Variants in PCCA observed in about 807,000 individuals in gnomAD.
PCCA encodes propionyl-CoA carboxylase alpha chain, mitochondrial.
PCCA carries 74 observed loss-of-function variants against 101.3 expected under a neutral mutation model. The observed-to-expected ratio is 0.73, with a 90% CI of 0.61 to 0.89. PCCA has a LOEUF of 0.89. PCCA is among the 40% of genes least tolerant of loss of function. The probability of loss-of-function intolerance (pLI) is 0.00; values close to 1 mark genes in which losing one functional copy is unlikely to be tolerated. For missense variants in PCCA, 891 were observed against 907.0 expected, an observed-to-expected ratio of 0.98 and a Z score of 0.23; for synonymous variants, 294 against 313.6, an observed-to-expected ratio of 0.94 and a Z score of 0.66.
chr13:100,349,666 TG>T (rs1339475130), intron 18 of PCCA, among the ~76,000 whole-genome samples: 1 of 152,206 alleles, frequency 6.6e-6, no homozygotes, highest in Non-Finnish European at 1.5e-5. Context: ...ATAATATTAA[TG>T]GAAATACTTC....
chr13:100,444,806 G>C (rs1313728043), intron 20 of PCCA, among the ~76,000 whole-genome samples: 1 of 152,088 alleles, frequency 6.6e-6, no homozygotes, highest in Non-Finnish European at 1.5e-5. Flanking sequence ...GATTATAGGT[G>C]TGAGCCACCG....
At chr13:100,344,031 C>T (rs933711472) in intron 18 of PCCA, among the ~76,000 whole-genome samples, 6 of 152,174 alleles carry the variant, frequency 3.9e-5, no homozygotes, top group East Asian at 3.8e-4. Flanking sequence ...GCCGAGATCA[C>T]GCCACTGCAC....
intron 1 of PCCA, among the ~76,000 whole-genome samples, chr13:100,092,932 T>G (rs1784169165): frequency 1.3e-5 from 2 of 152,184 alleles, no homozygotes; most frequent in Admixed American, 6.5e-5. Context: ...TTATAGACAT[T>G]TATATATTTA....
chr13:100,512,325 A>G (rs2086544908), intron 21 of PCCA, among the ~76,000 whole-genome samples: 1 of 152,172 alleles, frequency 6.6e-6, no homozygotes, highest in African/African-American at 2.4e-5. Context: ...TAATTTGCTT[A>G]GAGACCCGGG....
In PCCA at chr13:100,488,044, T is replaced by TAC. The variant is rs200467053; in HGVS notation, c.1900-27382_1900-27381insCA. Among the ~76,000 whole-genome samples, 1,425 of 152,186 alleles carry TAC rather than the reference T, an allele frequency of 9.4e-3. 22 individuals carry two copies. The highest frequency in any genetic ancestry group is 0.032 in the African/African-American group (1,315 of 41,520). ...GTGCCCAGCCATATATGTATATATA[T>TAC]ATATTTTTTAATGAAGCCACAAGCA... On this transcript the variant is annotated intron_variant, in intron 21 of 23. Transcript: ENST00000376285.
chr13:100,170,548 A>G (rs1279379427), intron 6 of PCCA, among the ~76,000 whole-genome samples: 2 of 152,212 alleles, frequency 1.3e-5, no homozygotes, highest in Non-Finnish European at 2.9e-5. Flanking sequence ...CCAAGCACAG[A>G]GTATTCTTTT....
intron 17 of PCCA, among the ~76,000 whole-genome samples, chr13:100,335,169 G>A (rs990367160): frequency 9.2e-5 from 14 of 152,136 alleles, no homozygotes; most frequent in Admixed American, 7.9e-4. Flanking sequence ...TTTGTTTTCA[G>A]TTAAATAAGG....
chr13:100,425,817 G>A (rs2079103518), intron 20 of PCCA, 86 bp downstream of exon 20: 4 of 854,764 alleles, frequency 4.7e-6, no homozygotes, highest in Non-Finnish European at 8.0e-6. Context: ...TAGAGCTATA[G>A]GAGGGAAAAG....
intron 6 of PCCA, among the ~76,000 whole-genome samples, chr13:100,172,231 G>A (rs2055756768): frequency 6.6e-6 from 1 of 151,428 alleles, no homozygotes; most frequent in South Asian, 2.1e-4. Flanking sequence ...CCTTTCAGTG[G>A]AATTATTTAT....
At chr13:100,451,802 GTCCTCTTCCTCTCCTCTCTC>G (rs1566342519) in intron 21 of PCCA, among the ~76,000 whole-genome samples, 6 of 1,208 alleles carry the variant, frequency 5.0e-3, no homozygotes, top group East Asian at 0.012. Flanking sequence ...TCTCCTCTCT[GTCCTCTTCCTCTCCTCTCTC>G]TCCTCTTCCT....
At chr13:100,473,522 A>G (rs1483102234) in intron 21 of PCCA, among the ~76,000 whole-genome samples, 1 of 152,186 alleles carries the variant, frequency 6.6e-6, no homozygotes, top group African/African-American at 2.4e-5. Flanking sequence ...TTCTTAGGTT[A>G]CACTCTCTAT....
At chr13:100,404,807 G>A (rs929017255) in intron 19 of PCCA, among the ~76,000 whole-genome samples, 4 of 152,158 alleles carry the variant, frequency 2.6e-5, no homozygotes, top group African/African-American at 9.7e-5. Flanking sequence ...TTTGAATTCT[G>A]TATGCCATGG....
At position 100,370,074 on chromosome 13, in the gene PCCA, CTT is replaced by C. The variant is rs386380451; in HGVS notation, c.1746+1524_1746+1525del. ...AGATTACTTTTCAGAGCTGTTACTTCTTTTTTTTTTTTTTTTTTTTTTTTTGA... is the reference window on the plus strand; with the variant it reads ...AGATTACTTTTCAGAGCTGTTACTTCTTTTTTTTTTTTTTTTTTTTTTTGA... On this transcript the variant is annotated intron_variant, in intron 19 of 23. Coordinates refer to ENST00000376285, the MANE Select transcript of PCCA (RefSeq NM_000282.4). 3.3e-3 allele frequency among the ~76,000 whole-genome samples: 244 copies of C among 74,640 alleles called. 1 individual carries two copies. Among genetic ancestry groups the C allele is most frequent in the South Asian group, 0.023 (38 of 1,656 alleles). 49.0% of individuals were successfully genotyped at this position (74,640 alleles called of 152,430 possible).
intron 15 of PCCA, among the ~76,000 whole-genome samples, chr13:100,309,409 TA>T (rs1422696248): frequency 6.6e-6 from 1 of 151,854 alleles, no homozygotes; most frequent in Non-Finnish European, 1.5e-5. Flanking sequence ...AAATAAAAAA[TA>T]AAAAGAAAGG....
intron 4 of PCCA, among the ~76,000 whole-genome samples, chr13:100,132,261 A>C (rs1226002193): frequency 1.4e-4 from 1 of 7,376 alleles, no homozygotes; most frequent in East Asian, 0.014. Context: ...ATCAGAATGC[A>C]GAGTAGTTCC....
chr13:100,483,797 G>T (rs1483715139), intron 21 of PCCA, among the ~76,000 whole-genome samples: 2 of 152,174 alleles, frequency 1.3e-5, no homozygotes, highest in Non-Finnish European at 2.9e-5. Flanking sequence ...TTTTAGAGAA[G>T]TTGCTGACCA....
intron 19 of PCCA, among the ~76,000 whole-genome samples, chr13:100,403,724 G>GA (rs1446285936): frequency 6.6e-6 from 1 of 151,542 alleles, no homozygotes; most frequent in Non-Finnish European, 1.5e-5. Flanking sequence ...GGGTGAAAAG[G>GA]AAAAAAAACG....
rs1480940423 is a variant in PCCA, at chr13:100,515,419, C to T, written c.1900-8C>T. 2 of 1,613,476 alleles carry T rather than the reference C, an allele frequency of 1.2e-6. No homozygotes were observed. Among genetic ancestry groups the T allele is most frequent in the Non-Finnish European group, 1.7e-6 (2 of 1,179,454 alleles). On this transcript the variant is annotated splice_polypyrimidine_tract_variant and splice_region_variant and intron_variant, in intron 21 of 23. Coordinates refer to ENST00000376285, the MANE Select transcript of PCCA (RefSeq NM_000282.4). ...TCATTTATGGTTTGGTTTTGTTTTT[C>T]CCTTAAGTACAAGGTGAATATCTTA...
chr13:100,186,561 A>T (rs559182299), intron 6 of PCCA, among the ~76,000 whole-genome samples: 2 of 151,966 alleles, frequency 1.3e-5, no homozygotes, highest in South Asian at 4.2e-4. Context: ...GGGCAAAATG[A>T]CGAAACCCTG....
Sources: allele counts gnomAD v4.1 joint callset (sites outside exome capture counted in the v4.1 genomes callset), GRCh38; gene constraint gnomAD v4.1.1; transcripts MANE v1.5; gene names NCBI Gene and HGNC (gene_info 2026-07-23, HGNC 2026-07-21).